PALM2AKAP2: variants seen among roughly 807,000 people sequenced by gnomAD.
PALM2AKAP2 encodes the protein PALM2-AKAP2 fusion protein.
PALM2AKAP2 carries 37 observed loss-of-function variants against 71.5 expected under a neutral mutation model. The ratio of observed to expected loss-of-function variants is 0.52; its 90% CI spans 0.40 to 0.68. The LOEUF is 0.68. Ranked by LOEUF, PALM2AKAP2 falls within the 30% of genes least tolerant of loss-of-function variation. The pLI, the probability that PALM2AKAP2 is intolerant of heterozygous loss-of-function variation, is 0.00. For synonymous variants in PALM2AKAP2, 468 were observed against 478.8 expected (o/e 0.98, Z 0.29); for missense variants, 1,224 against 1,191.8 (o/e 1.03, Z -0.40).
At chr9:109,868,566 G>A (rs1042238713) in intron 2 of PALM2AKAP2, among the ~76,000 whole-genome samples, 1 of 152,114 alleles carries the variant, frequency 6.6e-6, no homozygotes, top group Non-Finnish European at 1.5e-5. Flanking sequence ...AACCTTTATG[G>A]CTACTTTTCC....
chr9:109,762,371 T>C (rs1344478693), intron 1 of PALM2AKAP2, among the ~76,000 whole-genome samples: 1 of 152,240 alleles, frequency 6.6e-6, no homozygotes, highest in Non-Finnish European at 1.5e-5. Flanking sequence ...GTTTCCACTT[T>C]TAATTTAAAT....
At chr9:110,058,320 T>C (rs2017393) in intron 1 of PALM2AKAP2, among the ~76,000 whole-genome samples, 39,199 of 151,846 alleles carry the variant, frequency 0.26, 5,872 homozygotes, top group East Asian at 0.4. Context: ...GTTTTGAGAG[T>C]GTCAGACTCT....
At chr9:109,789,058 G>A (rs891417155) in intron 1 of PALM2AKAP2, among the ~76,000 whole-genome samples, 1 of 152,216 alleles carries the variant, frequency 6.6e-6, no homozygotes, top group Non-Finnish European at 1.5e-5. Flanking sequence ...CACCGGTTTG[G>A]AAGGTTTGCC....
At chr9:109,694,946 T>G (rs973222012) in intron 1 of PALM2AKAP2, among the ~76,000 whole-genome samples, 1 of 152,128 alleles carries the variant, frequency 6.6e-6, no homozygotes, top group African/African-American at 2.4e-5. Flanking sequence ...AATTAATGCA[T>G]GGTATTAGGA....
chr9:109,988,598 GGAAGGAAGGAAC>G (rs1308748148), intron 6 of PALM2AKAP2, among the ~76,000 whole-genome samples: 1 of 72,738 alleles, frequency 1.4e-5, no homozygotes, highest in African/African-American at 3.5e-5. Flanking sequence ...AAGAAAGGAA[GGAAGGAAGGAAC>G]GAAGGAAGGA....
At chr9:109,796,094 T>C (rs768006302) in intron 1 of PALM2AKAP2, among the ~76,000 whole-genome samples, 2 of 152,264 alleles carry the variant, frequency 1.3e-5, no homozygotes, top group Non-Finnish European at 2.9e-5. Context: ...TTAGTGACTT[T>C]TAGCAGAGTT....
chr9:109,966,168 G>T (rs140564245), intron 6 of PALM2AKAP2, among the ~76,000 whole-genome samples: 367 of 152,204 alleles, frequency 2.4e-3, no homozygotes, highest in Non-Finnish European at 3.6e-3. Flanking sequence ...GATCAGTGTC[G>T]GCAGAAAGAT....
At chr9:110,076,870 G>A (rs1242875185) in intron 1 of PALM2AKAP2, among the ~76,000 whole-genome samples, 1 of 152,050 alleles carries the variant, frequency 6.6e-6, no homozygotes, top group Non-Finnish European at 1.5e-5. Flanking sequence ...ACTGCTTGGG[G>A]CTCCCTTTCA....
intron 1 of PALM2AKAP2, among the ~76,000 whole-genome samples, chr9:109,770,616 C>G (rs1029021322): frequency 6.6e-6 from 1 of 152,144 alleles, no homozygotes; most frequent in Non-Finnish European, 1.5e-5. Context: ...GAGGCAATGA[C>G]CAGGTTAGCA....
chr9:109,805,669 A>G (rs539474378), intron 1 of PALM2AKAP2, among the ~76,000 whole-genome samples: 123 of 152,360 alleles, frequency 8.1e-4, no homozygotes, highest in African/African-American at 2.6e-3. Flanking sequence ...TAACTACTTC[A>G]TGGGATGGTG....
chr9:109,994,390 G>A (rs1832536025), intron 6 of PALM2AKAP2, among the ~76,000 whole-genome samples: 1 of 152,172 alleles, frequency 6.6e-6, no homozygotes, highest in African/African-American at 2.4e-5. Context: ...ACTCCCGAAT[G>A]GGTTTTTAAA....
chr9:109,963,214 G>A (rs886952743), intron 6 of PALM2AKAP2, among the ~76,000 whole-genome samples: 1 of 152,170 alleles, frequency 6.6e-6, no homozygotes, highest in African/African-American at 2.4e-5. Flanking sequence ...GCTTGGGCTG[G>A]TTGTCTGATT....
At chr9:109,828,345 A>C (rs1023270123) in intron 1 of PALM2AKAP2, among the ~76,000 whole-genome samples, 1 of 152,196 alleles carries the variant, frequency 6.6e-6, no homozygotes, top group African/African-American at 2.4e-5. Context: ...AATGCATTCT[A>C]TTCCTATTCT....
intron 1 of PALM2AKAP2, among the ~76,000 whole-genome samples, chr9:110,053,543 A>AAG (rs1833759965): frequency 4.0e-5 from 6 of 150,832 alleles, no homozygotes; most frequent in East Asian, 1.9e-4. Context: ...AAAAAAAAAA[A>AAG]AAAAAGAAAA....
intron 7 of PALM2AKAP2, among the ~76,000 whole-genome samples, chr9:110,020,436 ACTGT>A: frequency 6.6e-6 from 1 of 152,212 alleles, no homozygotes; most frequent in East Asian, 1.9e-4. Flanking sequence ...TAATCCTAGC[ACTGT>A]GGGAGGCCGA....
At chr9:109,854,767 T>TTTC (rs1752190694) in intron 1 of PALM2AKAP2, among the ~76,000 whole-genome samples, 2 of 132,740 alleles carry the variant, frequency 1.5e-5, no homozygotes, top group Admixed American at 7.5e-5. Flanking sequence ...ATGTATCTTT[T>TTTC]TTTTTTTTTT....
chr9:109,990,070 T>TC (rs914642251), intron 6 of PALM2AKAP2, among the ~76,000 whole-genome samples: 2 of 148,582 alleles, frequency 1.3e-5, no homozygotes, highest in Admixed American at 6.7e-5. Context: ...TTTCTTTCTT[T>TC]TTTTTTTTTT....
intron 3 of PALM2AKAP2, among the ~76,000 whole-genome samples, chr9:109,900,373 T>C (rs962466245): frequency 1.4e-4 from 22 of 152,220 alleles, no homozygotes; most frequent in Admixed American, 1.3e-3. Context: ...TGGCAAAGCA[T>C]TGGAGTTACA....
chr9:109,767,660 A>G (rs1829176060), intron 1 of PALM2AKAP2, among the ~76,000 whole-genome samples: 1 of 152,074 alleles, frequency 6.6e-6, no homozygotes, highest in Non-Finnish European at 1.5e-5. Context: ...CTGCCCTGAC[A>G]TGACTCCATC....
Sources: allele counts gnomAD v4.1 joint callset (sites outside exome capture counted in the v4.1 genomes callset), GRCh38; gene constraint gnomAD v4.1.1; transcripts MANE v1.5; gene names NCBI Gene and HGNC (gene_info 2026-07-23, HGNC 2026-07-21).